PRKG1: variants seen among roughly 807,000 people sequenced by gnomAD.
PRKG1 encodes the protein protein kinase cGMP-dependent 1, also known as cGMP-dependent protein kinase 1.
PRKG1 carries 35 observed loss-of-function variants against 88.1 expected under a neutral mutation model. That is an observed-to-expected ratio of 0.40 (90% CI 0.30 to 0.53). The LOEUF (loss-of-function observed/expected upper bound fraction) is 0.53, where lower values mean the gene tolerates loss of function less well. Among genes scored for constraint, PRKG1 ranks in the 20% least tolerant of loss-of-function variants. The pLI is 0.59. For missense variants in PRKG1, 540 were observed against 839.8 expected, an observed-to-expected ratio of 0.64 and a Z score of 4.41; for synonymous variants, 303 against 292.5, an observed-to-expected ratio of 1.04 and a Z score of -0.37.
chr10:51,821,070 C>A (rs1839732398), intron 4 of PRKG1, among the ~76,000 whole-genome samples: 1 of 152,092 alleles, frequency 6.6e-6, no homozygotes, highest in Non-Finnish European at 1.5e-5. Context: ...ATTAGTATTG[C>A]CCTTTTTCAA....
intron 2 of PRKG1, among the ~76,000 whole-genome samples, chr10:51,241,346 C>G (rs972762232): frequency 2.6e-5 from 4 of 151,558 alleles, no homozygotes; most frequent in Admixed American, 1.3e-4. Flanking sequence ...TAGCTAATTG[C>G]TTCTCTTTCA....
chr10:52,239,162 G>A (rs1261439801), intron 9 of PRKG1, among the ~76,000 whole-genome samples: 1 of 102,434 alleles, frequency 9.8e-6, no homozygotes, highest in Non-Finnish European at 1.9e-5. Flanking sequence ...CACACTCTGG[G>A]GACTGTGGTG....
chr10:51,843,599 G>A (rs1366270200), intron 4 of PRKG1, among the ~76,000 whole-genome samples: 1 of 152,166 alleles, frequency 6.6e-6, no homozygotes, highest in Non-Finnish European at 1.5e-5. Flanking sequence ...CTGTTTCTCT[G>A]CCACACTGAA....
At chr10:51,223,638 A>G (rs1838611771) in intron 2 of PRKG1, among the ~76,000 whole-genome samples, 1 of 152,236 alleles carries the variant, frequency 6.6e-6, no homozygotes, top group Non-Finnish European at 1.5e-5. Context: ...TAATGGCTGT[A>G]TAAGATATAA....
chr10:51,342,624 C>T (rs1171392426), intron 2 of PRKG1, among the ~76,000 whole-genome samples: 3 of 152,064 alleles, frequency 2.0e-5, no homozygotes, highest in African/African-American at 7.2e-5. Flanking sequence ...AGATCATATG[C>T]AGACCTAATT....
intron 3 of PRKG1, among the ~76,000 whole-genome samples, chr10:51,795,204 A>G (rs1439815522): frequency 6.6e-6 from 1 of 152,120 alleles, no homozygotes; most frequent in Non-Finnish European, 1.5e-5. Context: ...GACGTCAAAC[A>G]GAAGTTAGAG....
chr10:51,710,525 G>A (rs563594489), intron 3 of PRKG1, among the ~76,000 whole-genome samples: 2 of 152,194 alleles, frequency 1.3e-5, no homozygotes, highest in Non-Finnish European at 2.9e-5. Context: ...AGAAGCTTCA[G>A]GCAAGCCTGC....
At chr10:51,802,033 T>G (rs1192125013) in intron 3 of PRKG1, among the ~76,000 whole-genome samples, 1 of 152,170 alleles carries the variant, frequency 6.6e-6, no homozygotes, top group Admixed American at 6.6e-5. Flanking sequence ...CCTATGGAGA[T>G]TAACACATCA....
intron 3 of PRKG1, among the ~76,000 whole-genome samples, chr10:51,800,682 G>T (rs528629798): frequency 6.1e-4 from 93 of 152,210 alleles, no homozygotes; most frequent in African/African-American, 2.2e-3. Flanking sequence ...ATTTCTCATA[G>T]TTCTGGAGGC....
chr10:51,395,531 A>T (rs1837553970), intron 2 of PRKG1, among the ~76,000 whole-genome samples: 1 of 151,980 alleles, frequency 6.6e-6, no homozygotes, highest in Non-Finnish European at 1.5e-5. Flanking sequence ...TTTAGTAGGA[A>T]CTCTGGATTG....
At chr10:51,064,371 A>C (rs1772458441) in intron 1 of PRKG1, among the ~76,000 whole-genome samples, 2 of 152,090 alleles carry the variant, frequency 1.3e-5, no homozygotes, top group South Asian at 4.1e-4. Context: ...GTTTTGTTGA[A>C]GATCTAGAAG....
intron 5 of PRKG1, among the ~76,000 whole-genome samples, chr10:51,915,549 G>A (rs1374387644): frequency 7.1e-6 from 1 of 140,230 alleles, no homozygotes; most frequent in Non-Finnish European, 1.5e-5. Flanking sequence ...GTGTGTGTAT[G>A]TGTGTGTGTG....
At chr10:52,215,847 T>C (rs1840096388) in intron 9 of PRKG1, among the ~76,000 whole-genome samples, 1 of 152,218 alleles carries the variant, frequency 6.6e-6, no homozygotes, top group African/African-American at 2.4e-5. Context: ...AAATGTCATA[T>C]CTAATTGAAT....
intron 2 of PRKG1, among the ~76,000 whole-genome samples, chr10:51,153,873 T>C (rs567131832): frequency 6.6e-6 from 1 of 152,172 alleles, no homozygotes; most frequent in African/African-American, 2.4e-5. Context: ...AAGACTAATA[T>C]AGAAAGTGTT....
chr10:52,067,730 C>A (rs1186287868), intron 7 of PRKG1, among the ~76,000 whole-genome samples: 1 of 141,144 alleles, frequency 7.1e-6, no homozygotes, highest in African/African-American at 2.6e-5. Context: ...TTTTTTTTTT[C>A]TTTCCTTGCT....
rs869048560 is a variant in PRKG1, at chr10:51,819,006, CAAAAAAAAAAAAAAAAAAAAAA to C, written c.698+14332_698+14353del. Among the ~76,000 whole-genome samples the C allele has an allele frequency of 2.2e-4, 4 of 18,332 alleles. No individual in the cohort carries two copies. The African/African-American group carries it at 2.5e-3, about 12-fold the overall frequency. 12.0% of individuals were successfully genotyped at this position (18,332 alleles called of 152,430 possible). ...TGGGCGACAGAGCGAGACTCCGTCT[CAAAAAAAAAAAAAAAAAAAAAA>C]AAAAAAAAAAAAAAAGAATACCAGA... On this transcript the variant is annotated intron_variant, in intron 4 of 17. Transcript: ENST00000373980.
At chr10:51,617,450 A>C (rs1174265192) in intron 3 of PRKG1, among the ~76,000 whole-genome samples, 1 of 152,186 alleles carries the variant, frequency 6.6e-6, no homozygotes, top group African/African-American at 2.4e-5. Context: ...TGCTGGTACC[A>C]GCACCTATCT....
intron 1 of PRKG1, among the ~76,000 whole-genome samples, chr10:51,048,341 G>A (rs1437093082): frequency 3.4e-5 from 5 of 145,698 alleles, no homozygotes; most frequent in Admixed American, 7.0e-5. Context: ...TTTCTTCCTT[G>A]TGCTTGTATA....
In PRKG1 at chr10:52,282,293, A is replaced by G. The variant is rs766410577; in HGVS notation, c.1686A>G (p.Leu562=). Residue 562 remains leucine, a synonymous_variant, in exon 14 of 18, where the codon CTA becomes CTG. Coordinates refer to ENST00000373980, the MANE Select transcript of PRKG1 (RefSeq NM_006258.4). ...ISADYWSLGI[L]MYELLTGSPP... ...CCGACTACTGGTCACTGGGAATCCT[A>G]ATGTATGAACTCCTGACTGGCAGGT... The G allele has an allele frequency of 6.2e-7, 1 of 1,604,714 alleles. No homozygotes were observed. The highest frequency in any genetic ancestry group is 8.5e-7 in the Non-Finnish European group (1 of 1,174,920).
Sources: gnomAD v4.1 joint callset for allele counts (sites outside exome capture counted in the v4.1 genomes callset) on GRCh38, gnomAD v4.1.1 for gene constraint, MANE v1.5 for transcripts, NCBI Gene and HGNC (gene_info 2026-07-23, HGNC 2026-07-21) for gene names.